The following NAALADL2 variants were observed in gnomAD, a reference collection of about 807,000 sequenced individuals.
NAALADL2 encodes the protein N-acetylated alpha-linked acidic dipeptidase like 2, also known as inactive N-acetylated-alpha-linked acidic dipeptidase-like protein 2.
In NAALADL2, 76 loss-of-function variants were observed where a neutral mutation model predicts 87.2. The observed-to-expected ratio is 0.87, with a 90% CI of 0.72 to 1.05. The LOEUF (loss-of-function observed/expected upper bound fraction) is 1.05. NAALADL2 is among the 50% of genes least tolerant of loss of function. The pLI, the probability that NAALADL2 is intolerant of heterozygous loss-of-function variation, is 0.00. For synonymous variants in NAALADL2, 354 were observed against 331.0 expected (o/e 1.07, Z -0.75); for missense variants, 1,089 against 945.8 (o/e 1.15, Z -1.99).
chr3:174,825,394 G>T (rs548134618), intron 3 of NAALADL2, among the ~76,000 whole-genome samples: 1 of 152,192 alleles, frequency 6.6e-6, no homozygotes, highest in African/African-American at 2.4e-5. Flanking sequence ...AAGTTAAGAA[G>T]ATGGACCTCT....
At chr3:174,826,041 AACAACAACAACG>A (rs773772872) in intron 3 of NAALADL2, among the ~76,000 whole-genome samples, 23 of 150,582 alleles carry the variant, frequency 1.5e-4, no homozygotes, top group Admixed American at 2.6e-4. Context: ...CAACAACAAC[AACAACAACAACG>A]ACAACAACAA....
intron 2 of NAALADL2, among the ~76,000 whole-genome samples, chr3:175,188,408 G>A (rs183290596): frequency 3.0e-4 from 46 of 152,188 alleles, no homozygotes; most frequent in Admixed American, 1.8e-3. Flanking sequence ...CAGATTCTTC[G>A]CAAAGCAGGG....
At chr3:175,573,259 G>T (rs867523056) in intron 9 of NAALADL2, among the ~76,000 whole-genome samples, 3 of 152,254 alleles carry the variant, frequency 2.0e-5, no homozygotes. Context: ...TTTCATTTAT[G>T]TTGAGTAGGA....
chr3:174,630,856 C>A (rs1359796572), intron 2 of NAALADL2, among the ~76,000 whole-genome samples: 2 of 152,124 alleles, frequency 1.3e-5, no homozygotes, highest in African/African-American at 2.4e-5. Context: ...GAGAGTCTTC[C>A]TAGTAGAACC....
chr3:174,512,275 T>C (rs1719651279), intron 1 of NAALADL2, among the ~76,000 whole-genome samples: 1 of 152,186 alleles, frequency 6.6e-6, no homozygotes, highest in Admixed American at 6.5e-5. Context: ...TAAAGTATGC[T>C]CCATTGTCTT....
intron 1 of NAALADL2, among the ~76,000 whole-genome samples, chr3:174,918,426 AC>A (rs1734703838): frequency 6.6e-6 from 1 of 152,290 alleles, no homozygotes; most frequent in African/African-American, 2.4e-5. Context: ...ATGAGAAACC[AC>A]CTCAAAACTC....
intron 5 of NAALADL2, among the ~76,000 whole-genome samples, chr3:175,439,462 G>A (rs915642084): frequency 2.2e-4 from 34 of 151,850 alleles, no homozygotes; most frequent in African/African-American, 8.2e-4. Context: ...CCCACCAACA[G>A]CGTACAAGGG....
At chr3:175,119,819 G>GTA (rs1349986160) in intron 2 of NAALADL2, among the ~76,000 whole-genome samples, 5 of 142,364 alleles carry the variant, frequency 3.5e-5, no homozygotes, top group Admixed American at 7.1e-5. Flanking sequence ...ATATATAAAA[G>GTA]TATATATATA....
intron 2 of NAALADL2, among the ~76,000 whole-genome samples, chr3:174,626,276 AT>A (rs1030294669): frequency 1.2e-4 from 18 of 151,940 alleles, no homozygotes; most frequent in African/African-American, 4.3e-4. Context: ...ATTGTGCATG[AT>A]TTTTTTCACA....
chr3:174,832,511 G>T (rs998573356), intron 3 of NAALADL2, among the ~76,000 whole-genome samples: 1 of 152,082 alleles, frequency 6.6e-6, no homozygotes, highest in Non-Finnish European at 1.5e-5. Context: ...ATCCAGGCTG[G>T]AGTGCAGTGG....
At chr3:175,422,744 A>G (rs1011257920) in intron 5 of NAALADL2, among the ~76,000 whole-genome samples, 2 of 151,996 alleles carry the variant, frequency 1.3e-5, no homozygotes, top group Admixed American at 1.3e-4. Flanking sequence ...ATAAACAAAA[A>G]CTAGTCATCA....
At chr3:175,030,948 A>G (rs894196473) in intron 1 of NAALADL2, among the ~76,000 whole-genome samples, 1 of 151,868 alleles carries the variant, frequency 6.6e-6, no homozygotes, top group African/African-American at 2.4e-5. Context: ...GTTTGTGACA[A>G]CCCTGCACCC....
At chr3:174,991,393 G>T (rs1046472507) in intron 1 of NAALADL2, among the ~76,000 whole-genome samples, 2 of 151,910 alleles carry the variant, frequency 1.3e-5, no homozygotes, top group African/African-American at 4.8e-5. Context: ...TTTCTCTAAT[G>T]ATAGAAATCT....
At chr3:174,548,545 A>G (rs1010864825) in intron 1 of NAALADL2, among the ~76,000 whole-genome samples, 10 of 152,164 alleles carry the variant, frequency 6.6e-5, no homozygotes, top group Non-Finnish European at 1.3e-4. Context: ...CTTTAAAAAC[A>G]GACAGAAAAA....
At chr3:175,137,651 G>A (rs1442738646) in intron 2 of NAALADL2, among the ~76,000 whole-genome samples, 3 of 148,436 alleles carry the variant, frequency 2.0e-5, no homozygotes, top group Non-Finnish European at 4.4e-5. Context: ...TGTTGCCCAG[G>A]CTAGAGTGCA....
intron 2 of NAALADL2, among the ~76,000 whole-genome samples, chr3:174,618,229 A>G (rs1056434344): frequency 2.0e-5 from 3 of 151,704 alleles, no homozygotes; most frequent in Non-Finnish European, 4.4e-5. Context: ...TTCATTACCT[A>G]TTTTAAAATT....
intron 13 of NAALADL2, among the ~76,000 whole-genome samples, chr3:175,778,655 A>G (rs73881376): frequency 0.019 from 2,871 of 152,316 alleles, 84 homozygotes; most frequent in African/African-American, 0.065. Context: ...AGCACTTTAC[A>G]TGTTTCAGCT....
intron 4 of NAALADL2, among the ~76,000 whole-genome samples, chr3:175,294,298 G>T (rs1451115550): frequency 2.0e-5 from 3 of 151,942 alleles, no homozygotes; most frequent in Non-Finnish European, 4.4e-5. Context: ...TTGCTCTCAA[G>T]CTTGCCTGGC....
chr3:175,671,626 A>C (rs1037003817), intron 11 of NAALADL2, among the ~76,000 whole-genome samples: 2 of 152,050 alleles, frequency 1.3e-5, no homozygotes, highest in Non-Finnish European at 2.9e-5. Flanking sequence ...TGTTCCAGAG[A>C]AGACTCTAAA....
Sources: gnomAD v4.1 joint callset for allele counts (sites outside exome capture counted in the v4.1 genomes callset) on GRCh38, gnomAD v4.1.1 for gene constraint, MANE v1.5 for transcripts, NCBI Gene and HGNC (gene_info 2026-07-23, HGNC 2026-07-21) for gene names.